The following C8orf34 variants were observed in gnomAD, a reference collection of about 807,000 sequenced individuals.
C8orf34 encodes uncharacterized protein C8orf34.
In C8orf34, 65 loss-of-function variants were observed where a neutral mutation model predicts 68.3. The observed-to-expected ratio is 0.95, with a 90% CI of 0.78 to 1.17. The LOEUF (loss-of-function observed/expected upper bound fraction) is 1.17, where lower values mean the gene tolerates loss of function less well. Ranked by LOEUF, C8orf34 falls within the 50% of genes most tolerant of loss-of-function variation. The pLI is 0.00. For missense variants in C8orf34, 664 were observed against 655.4 expected, an observed-to-expected ratio of 1.01 and a Z score of -0.14; for synonymous variants, 244 against 241.2, an observed-to-expected ratio of 1.01 and a Z score of -0.11.
chr8:68,421,540 A>G (rs1809972240), intron 1 of C8orf34, among the ~76,000 whole-genome samples: 1 of 152,166 alleles, frequency 6.6e-6, no homozygotes, highest in Admixed American at 6.5e-5. Context: ...CAGTAGTATC[A>G]TCATCATGAG....
At chr8:68,724,900 G>A (rs1454457973) in intron 10 of C8orf34, among the ~76,000 whole-genome samples, 2 of 151,674 alleles carry the variant, frequency 1.3e-5, no homozygotes, top group East Asian at 3.9e-4. Context: ...TAGCTCTGTT[G>A]CCCAGGCTGA....
At chr8:68,552,411 T>C (rs1816103249) in intron 7 of C8orf34, among the ~76,000 whole-genome samples, 1 of 152,178 alleles carries the variant, frequency 6.6e-6, no homozygotes, top group South Asian at 2.1e-4. Context: ...TTATACTTCC[T>C]TTGTTAAATT....
At chr8:68,545,094 A>T (rs1815829574) in intron 7 of C8orf34, among the ~76,000 whole-genome samples, 1 of 152,148 alleles carries the variant, frequency 6.6e-6, no homozygotes, top group African/African-American at 2.4e-5. Flanking sequence ...CTGTGTCCCC[A>T]ACCAAATCTC....
Position 68,454,833 on chromosome 8 carries a change from A to G in C8orf34, c.607+8373A>G, listed in dbSNP as rs573810347. On this transcript the variant is annotated intron_variant, in intron 3 of 13. Transcript: ENST00000518698. ...CTTTTTCTACTTCCTTAAGGTGTAA[A>G]GTTAGATTATTGATTTGACATCTTT... Among the ~76,000 whole-genome samples the G allele has an allele frequency of 1.2e-4, 18 of 151,964 alleles. No homozygotes were observed. The South Asian group carries it at 3.3e-3, about 28-fold the overall frequency.
chr8:68,537,255 C>T (rs1442381002), intron 7 of C8orf34, among the ~76,000 whole-genome samples: 1 of 151,998 alleles, frequency 6.6e-6, no homozygotes, highest in East Asian at 1.9e-4. Context: ...CCTACCTATC[C>T]ATGTACCTAT....
chr8:68,631,923 C>T (rs994812619), intron 7 of C8orf34, among the ~76,000 whole-genome samples: 1 of 152,070 alleles, frequency 6.6e-6, no homozygotes, highest in African/African-American at 2.4e-5. Flanking sequence ...ATTGCCTAGT[C>T]TCGGGAAGTT....
chr8:68,638,341 G>T (rs1818908422), intron 7 of C8orf34, among the ~76,000 whole-genome samples: 1 of 150,940 alleles, frequency 6.6e-6, no homozygotes, highest in South Asian at 2.1e-4. Context: ...AGAATTAGGG[G>T]CTAAATATTG....
intron 11 of C8orf34, among the ~76,000 whole-genome samples, chr8:68,784,260 G>A (rs185657707): frequency 5.3e-5 from 8 of 152,216 alleles, no homozygotes; most frequent in East Asian, 1.9e-4. Context: ...TTGTTCCTCC[G>A]TTGATATTTA....
rs577151038 is a variant in C8orf34 at position 68,626,388 on chromosome 8, G to A, written c.1106-13988G>A. 2.2e-4 allele frequency among the ~76,000 whole-genome samples: 33 copies of A among 152,272 alleles called. 1 individual carries two copies. The South Asian group carries it at 6.2e-3, about 29-fold the overall frequency. ...CAATTTAGTTTTGTGCATTTGTGTTGTATATAAAGTAAACTGACTTCAGAC... is the reference window on the plus strand; with the variant it reads ...CAATTTAGTTTTGTGCATTTGTGTTATATATAAAGTAAACTGACTTCAGAC... On this transcript the variant is annotated intron_variant, in intron 7 of 13. Coordinates refer to ENST00000518698, the MANE Select transcript of C8orf34 (RefSeq NM_052958.4).
chr8:68,577,574 C>T (rs1331187730), intron 7 of C8orf34, among the ~76,000 whole-genome samples: 1 of 151,656 alleles, frequency 6.6e-6, no homozygotes, highest in Non-Finnish European at 1.5e-5. Context: ...AAAATTGACC[C>T]AAATGTAGAT....
At chr8:68,623,724 T>A (rs1427207067) in intron 7 of C8orf34, among the ~76,000 whole-genome samples, 1 of 152,034 alleles carries the variant, frequency 6.6e-6, no homozygotes, top group Non-Finnish European at 1.5e-5. Flanking sequence ...TCTTTTTTTT[T>A]AATCCTTGGG....
intron 1 of C8orf34, among the ~76,000 whole-genome samples, chr8:68,366,665 T>G (rs2129619592): frequency 1.3e-5 from 2 of 149,256 alleles, no homozygotes; most frequent in South Asian, 4.3e-4. Context: ...CCCTATTTAA[T>G]AAATGGTGCT....
intron 11 of C8orf34, 68 bp from the exon 12 acceptor site, chr8:68,787,375 G>A: frequency 9.6e-7 from 1 of 1,044,432 alleles, no homozygotes; most frequent in Non-Finnish European, 1.4e-6. Context: ...AGATTGAAGT[G>A]ATTATCCACA....
rs1214319389 is a variant in C8orf34, at chr8:68,525,564, C to T, written c.938+3593C>T. The stretch of plus-strand genomic sequence containing the variant: ...TTCCCTCCTGTGTGTCTTCGTCTTA[C>T]TTCTTTGTGGTCCATGATGCCAGCT... On this transcript the variant is annotated intron_variant, in intron 6 of 13. Transcript: ENST00000518698. 4.4e-6 allele frequency: 4 copies of T among 916,100 alleles called. No homozygotes were observed. The East Asian group carries it at 9.8e-5, about 22-fold the overall frequency. 56.7% of individuals were successfully genotyped at this position (916,100 alleles called of 1,614,324 possible).
intron 8 of C8orf34, among the ~76,000 whole-genome samples, chr8:68,706,981 A>G (rs1177548329): frequency 1.3e-5 from 2 of 152,224 alleles, no homozygotes; most frequent in East Asian, 1.9e-4. Flanking sequence ...GGCTGAAAAT[A>G]TAAGGGAGTC....
At chr8:68,787,724 G>A in intron 12 of C8orf34, 188 bp downstream of exon 12, 4 of 422,326 alleles carry the variant, frequency 9.5e-6, no homozygotes, top group Admixed American at 3.7e-5. Context: ...TCTTAATTAT[G>A]GTACAGAGAC....
At chr8:68,459,597 C>A (rs117052522) in intron 3 of C8orf34, among the ~76,000 whole-genome samples, 3 of 152,104 alleles carry the variant, frequency 2.0e-5, no homozygotes, top group South Asian at 2.1e-4. Context: ...GAGAACAGTA[C>A]GGAGATTTCT....
At chr8:68,679,243 C>T (rs1820289997) in intron 8 of C8orf34, among the ~76,000 whole-genome samples, 1 of 151,946 alleles carries the variant, frequency 6.6e-6, no homozygotes, top group African/African-American at 2.4e-5. Flanking sequence ...GCCAAGATCC[C>T]ACCACTGCAC....
In C8orf34 at chr8:68,754,486, A is replaced by C. The variant is rs191036804; in HGVS notation, c.1405-21913A>C. ...GAAAGGAATGTTAAACAGCAGGTGA[A>C]GGTTGGAAGCTTGAGGCCAAAGAAG... On this transcript the variant is annotated intron_variant, in intron 10 of 13. Transcript: ENST00000518698. Among the ~76,000 whole-genome samples, 613 of 152,332 alleles carry C rather than the reference A, an allele frequency of 4.0e-3. 4 individuals are homozygous for C. The highest frequency in any genetic ancestry group is 0.014 in the African/African-American group (571 of 41,578).
Sources: gnomAD v4.1 joint callset for allele counts (sites outside exome capture counted in the v4.1 genomes callset) on GRCh38, gnomAD v4.1.1 for gene constraint, MANE v1.5 for transcripts, NCBI Gene and HGNC (gene_info 2026-07-23, HGNC 2026-07-21) for gene names.